SORCS2: variants seen among roughly 807,000 people sequenced by gnomAD.
The protein encoded by SORCS2 is VPS10 domain-containing receptor SorCS2.
Under a neutral mutation model 141.6 loss-of-function variants are expected in SORCS2, and 100 were observed. The observed-to-expected ratio is 0.71, with a 90% CI of 0.60 to 0.83. SORCS2 has a LOEUF of 0.83. SORCS2 is among the 40% of genes least tolerant of loss of function. The pLI is 0.00. For missense variants in SORCS2, 1,646 were observed against 1,560.2 expected (o/e 1.05, Z -0.93); for synonymous variants, 789 against 676.9 (o/e 1.17, Z -2.57).
chr4:7,205,403 T>A (rs193073670), intron 1 of SORCS2, among the ~76,000 whole-genome samples: 1 of 152,344 alleles, frequency 6.6e-6, no homozygotes, highest in African/African-American at 2.4e-5. Flanking sequence ...GGAAACCAAT[T>A]TCATGGCAAT....
chr4:7,398,449 T>C (rs1724361280), intron 2 of SORCS2, among the ~76,000 whole-genome samples: 1 of 152,236 alleles, frequency 6.6e-6, no homozygotes, highest in South Asian at 2.1e-4. Flanking sequence ...TCAGTTTTTC[T>C]CCAAAGCAAA....
rs143374996 is a variant in SORCS2 at position 7,726,979 on chromosome 4, G to A, written c.2869+76G>A. The A allele has an allele frequency of 1.0e-3, 1,549 of 1,518,530 alleles. 3 individuals are homozygous for A. Among genetic ancestry groups the A allele is most frequent in the Middle Eastern group, 8.9e-3 (51 of 5,750 alleles). The allele number at this position is 1,518,530 out of a possible 1,614,324, so 94.1% of individuals were successfully genotyped here. ...TCCAGGAAGCCAGGCCACATGGGTC[G>A]CGTAAGCCATGGATGTCCTGGTCAC... On this transcript the variant is annotated intron_variant, in intron 21 of 26. Coordinates refer to ENST00000507866, the MANE Select transcript of SORCS2 (RefSeq NM_020777.3).
intron 2 of SORCS2, among the ~76,000 whole-genome samples, chr4:7,451,014 G>A (rs1016013428): frequency 1.3e-5 from 2 of 152,094 alleles, no homozygotes; most frequent in Non-Finnish European, 2.9e-5. Context: ...GTGAATGAAT[G>A]AGGAAGTGAG....
intron 23 of SORCS2, among the ~76,000 whole-genome samples, chr4:7,732,753 G>A (rs957209942): frequency 3.9e-5 from 6 of 151,930 alleles, no homozygotes; most frequent in African/African-American, 9.7e-5. Context: ...TTACATTCCC[G>A]ACTAAAACAA....
chr4:7,247,667 G>T (rs1243465250), intron 1 of SORCS2, among the ~76,000 whole-genome samples: 1 of 152,212 alleles, frequency 6.6e-6, no homozygotes, highest in Non-Finnish European at 1.5e-5. Context: ...TCAAAGCCAA[G>T]GCTACGAGAG....
chr4:7,338,299 G>T (rs1294871361), intron 1 of SORCS2, among the ~76,000 whole-genome samples: 1 of 149,234 alleles, frequency 6.7e-6, no homozygotes, highest in Non-Finnish European at 1.5e-5. Flanking sequence ...TGGATGGATG[G>T]ATGGATGGAT....
intron 3 of SORCS2, among the ~76,000 whole-genome samples, chr4:7,550,266 C>T (rs1713594764): frequency 6.6e-6 from 1 of 152,018 alleles, no homozygotes; most frequent in African/African-American, 2.4e-5. Context: ...TCTCCCTGGG[C>T]AAAGATGGGG....
chr4:7,271,502 C>G (rs1715127748), intron 1 of SORCS2, among the ~76,000 whole-genome samples: 1 of 152,226 alleles, frequency 6.6e-6, no homozygotes, highest in Admixed American at 6.5e-5. Context: ...CCCACCTTCA[C>G]AGGAAGGCCT....
chr4:7,517,571 G>A (rs1486018824), intron 2 of SORCS2, among the ~76,000 whole-genome samples: 1 of 152,166 alleles, frequency 6.6e-6, no homozygotes, highest in Admixed American at 6.5e-5. Context: ...TCTATAATCT[G>A]CGAACTGGCA....
At position 7,322,394 on chromosome 4, in the gene SORCS2, A is replaced by G. The variant is rs541345866; in HGVS notation, c.481-73894A>G. ...CTGCCTCCTGGCCCAGCCCAGCTGC[A>G]CTTGCTGAGCCTGCTCTCACTTTCC... is the stretch of plus-strand genomic sequence containing the variant. On this transcript the variant is annotated intron_variant, in intron 1 of 26. Coordinates refer to ENST00000507866, the MANE Select transcript of SORCS2 (RefSeq NM_020777.3). 6.6e-5 allele frequency among the ~76,000 whole-genome samples: 10 copies of G among 152,312 alleles called. No individual in the cohort carries two copies. In the South Asian group the frequency reaches 1.9e-3, roughly 28 times the overall value.
At chr4:7,630,755 A>C (rs1195964762) in intron 3 of SORCS2, among the ~76,000 whole-genome samples, 1 of 152,190 alleles carries the variant, frequency 6.6e-6, no homozygotes, top group Non-Finnish European at 1.5e-5. Flanking sequence ...TGGAGGCTGC[A>C]GTGTTTGTTC....
chr4:7,434,343 AG>A, intron 2 of SORCS2: 1 of 1,609,800 alleles, frequency 6.2e-7, no homozygotes, highest in Middle Eastern at 1.7e-4. Context: ...GAGCTCCTTC[AG>A]GCGCCTGGCG....
At chr4:7,277,697 G>A (rs1715593957) in intron 1 of SORCS2, among the ~76,000 whole-genome samples, 1 of 152,110 alleles carries the variant, frequency 6.6e-6, no homozygotes, top group Non-Finnish European at 1.5e-5. Context: ...TAATTTGGGG[G>A]TGGCCGTCTG....
At chr4:7,581,442 A>G (rs1003073866) in intron 3 of SORCS2, among the ~76,000 whole-genome samples, 2 of 152,200 alleles carry the variant, frequency 1.3e-5, no homozygotes, top group African/African-American at 2.4e-5. Flanking sequence ...TAAAAAGTCC[A>G]TGGCCTTTTG....
intron 3 of SORCS2, among the ~76,000 whole-genome samples, chr4:7,547,406 C>T (rs1713344779): frequency 6.6e-6 from 1 of 152,240 alleles, no homozygotes; most frequent in Non-Finnish European, 1.5e-5. Flanking sequence ...AGCCTTTTGC[C>T]AGCCTTCTGA....
At chr4:7,412,777 G>C (rs1441417953) in intron 2 of SORCS2, among the ~76,000 whole-genome samples, 2 of 152,066 alleles carry the variant, frequency 1.3e-5, no homozygotes, top group Non-Finnish European at 2.9e-5. Context: ...GGGCTCAGCT[G>C]TCCTTTCCCC....
At chr4:7,438,372 A>T (rs914312775) in intron 2 of SORCS2, among the ~76,000 whole-genome samples, 1 of 152,212 alleles carries the variant, frequency 6.6e-6, no homozygotes, top group Non-Finnish European at 1.5e-5. Flanking sequence ...AGCATGTGTG[A>T]TCTTTGATCA....
At chr4:7,376,200 T>C (rs1354958166) in intron 1 of SORCS2, among the ~76,000 whole-genome samples, 2 of 152,156 alleles carry the variant, frequency 1.3e-5, no homozygotes, top group Non-Finnish European at 2.9e-5. Flanking sequence ...AGGATCTCTT[T>C]TGTAGTACAA....
intron 5 of SORCS2, among the ~76,000 whole-genome samples, chr4:7,655,469 G>A (rs1002834100): frequency 7.9e-5 from 12 of 152,368 alleles, no homozygotes; most frequent in Non-Finnish European, 1.5e-4. Context: ...TCAAGTTGGC[G>A]GCTGCAGAGT....
Sources: gnomAD v4.1 joint callset for allele counts (sites outside exome capture counted in the v4.1 genomes callset) on GRCh38, gnomAD v4.1.1 for gene constraint, MANE v1.5 for transcripts, NCBI Gene and HGNC (gene_info 2026-07-23, HGNC 2026-07-21) for gene names.